Variants in PLXDC1 observed in about 807,000 individuals in gnomAD.
The protein encoded by PLXDC1 is plexin domain containing 1.
In PLXDC1, 39 loss-of-function variants were observed where a neutral mutation model predicts 61.3. The observed-to-expected ratio is 0.64, with a 90% CI of 0.49 to 0.83. The LOEUF (loss-of-function observed/expected upper bound fraction) is 0.83. PLXDC1 is among the 40% of genes least tolerant of loss of function. The probability of loss-of-function intolerance (pLI) is 0.00; values close to 1 mark genes in which losing one functional copy is unlikely to be tolerated. For missense variants in PLXDC1, 596 were observed against 666.5 expected, an observed-to-expected ratio of 0.89 and a Z score of 1.17; for synonymous variants, 212 against 254.5, an observed-to-expected ratio of 0.83 and a Z score of 1.59.
chr17:39,112,430 C>G (rs1371963040), intron 2 of PLXDC1, among the ~76,000 whole-genome samples: 1 of 150,022 alleles, frequency 6.7e-6, no homozygotes. Context: ...AGTTTAGATG[C>G]TATTCAGCCC....
At position 39,065,477 on chromosome 17, in the gene PLXDC1, C is replaced by T. The variant is rs1908861260; in HGVS notation, c.*2363G>A. 6.7e-6 allele frequency: 1 copy of T among 148,822 alleles called. No individual in the cohort carries two copies. The highest frequency in any genetic ancestry group is 2.5e-5 in the African/African-American group (1 of 40,134). 9.2% of individuals were successfully genotyped at this position (148,822 alleles called of 1,614,324 possible). On this transcript the variant is annotated 3_prime_UTR_variant, in exon 14 of 14. Coordinates refer to ENST00000315392, the MANE Select transcript of PLXDC1 (RefSeq NM_020405.5). Reference sequence around the variant, plus strand: ...ACAGTGGCATGATTATGACCCCCCACTGCAGCCTCAACCTCCCGGGCTCAA... The same window carrying T: ...ACAGTGGCATGATTATGACCCCCCATTGCAGCCTCAACCTCCCGGGCTCAA...
chr17:39,090,359 T>C (rs1909900029), intron 7 of PLXDC1, among the ~76,000 whole-genome samples: 1 of 152,162 alleles, frequency 6.6e-6, no homozygotes, highest in Non-Finnish European at 1.5e-5. Context: ...TCTGAAATGC[T>C]GGTGCCCCCC....
intron 1 of PLXDC1, among the ~76,000 whole-genome samples, chr17:39,141,767 C>T (rs1200462401): frequency 1.3e-5 from 2 of 152,154 alleles, no homozygotes; most frequent in Non-Finnish European, 2.9e-5. Flanking sequence ...ATTTTACATT[C>T]CCACCAACCG....
rs368282512 is a variant in PLXDC1 at position 39,117,346 on chromosome 17, T to C, written c.256-7955A>G. ...CCTAAACCAAACACCAGCTGGGGGG[T>C]AGGATTATCATGGAACCCAAGATCC... On this transcript the variant is annotated intron_variant, in intron 2 of 13. Coordinates refer to ENST00000315392, the MANE Select transcript of PLXDC1 (RefSeq NM_020405.5). Among the ~76,000 whole-genome samples, 4 of 151,904 alleles carry C rather than the reference T, an allele frequency of 2.6e-5. No individual in the cohort carries two copies. In the South Asian group the frequency reaches 8.3e-4, roughly 32 times the overall value.
Position 39,067,625 on chromosome 17 carries a change from T to G in PLXDC1, c.*215A>C, listed in dbSNP as rs1336583716. On this transcript the variant is annotated 3_prime_UTR_variant, in exon 14 of 14. Transcript: ENST00000315392. ...GCATCAAAACAGGATGAGATTAGGT[T>G]GTTGTTCCTATAAAAAATCCATGTG... is the stretch of plus-strand genomic sequence containing the variant. The G allele has an allele frequency of 3.9e-6, 2 of 510,488 alleles. No individual in the cohort carries two copies. Among genetic ancestry groups the G allele is most frequent in the African/African-American group, 1.9e-5 (1 of 52,464 alleles). The allele number at this position is 510,488 out of a possible 1,614,324, so 31.6% of individuals were successfully genotyped here.
chr17:39,074,161 C>G (rs6503745), intron 11 of PLXDC1, among the ~76,000 whole-genome samples: 89,657 of 151,938 alleles, frequency 0.59, 26,616 homozygotes, highest in South Asian at 0.66. Context: ...GACTCAAACT[C>G]TCCTGCCAAG....
intron 2 of PLXDC1, among the ~76,000 whole-genome samples, chr17:39,120,181 C>T (rs1464691675): frequency 1.3e-5 from 2 of 152,088 alleles, no homozygotes; most frequent in Non-Finnish European, 1.5e-5. Context: ...GATGGAGTTT[C>T]GCTCATGTAA....
At chr17:39,098,903 C>T (rs955036666) in intron 7 of PLXDC1, among the ~76,000 whole-genome samples, 2 of 152,126 alleles carry the variant, frequency 1.3e-5, no homozygotes, top group Non-Finnish European at 2.9e-5. Context: ...AATGCGCCTG[C>T]GTGGTTGACT....
chr17:39,128,262 G>A (rs1013875723), intron 2 of PLXDC1, among the ~76,000 whole-genome samples: 17 of 150,420 alleles, frequency 1.1e-4, no homozygotes, highest in Non-Finnish European at 2.1e-4. Flanking sequence ...TTGTTGCCCA[G>A]GCTGGAATGC....
Position 39,083,461 on chromosome 17 carries a change from C to T in PLXDC1, c.987G>A (p.Gln329=), listed in dbSNP as rs1909635093. The T allele has an allele frequency of 1.9e-6, 3 of 1,613,526 alleles. No homozygotes were observed. The highest frequency in any genetic ancestry group is 2.5e-6 in the Non-Finnish European group (3 of 1,179,624). Reference sequence around the variant, plus strand: ...AGCAGGTAACCCTGGGCACAAACCTCTGGAGGACATGGCACCAGCTGCAGT... The same window carrying T: ...AGCAGGTAACCCTGGGCACAAACCTTTGGAGGACATGGCACCAGCTGCAGT... ...TFNCSWCHVL[Q]RCSSGFDRYR... The change falls in exon 9 of 14, where the codon CAG becomes CAA. Residue 329 remains glutamine, a splice_region_variant and synonymous_variant. Coordinates refer to ENST00000315392, the MANE Select transcript of PLXDC1 (RefSeq NM_020405.5).
chr17:39,135,898 G>A (rs1911739474), intron 2 of PLXDC1, among the ~76,000 whole-genome samples: 1 of 152,102 alleles, frequency 6.6e-6, no homozygotes, highest in African/African-American at 2.4e-5. Context: ...ATCCATACTG[G>A]CTCTTAATGA....
At chr17:39,139,529 C>T (rs892066957) in intron 2 of PLXDC1, 125 bp downstream of exon 2, 48 of 883,710 alleles carry the variant, frequency 5.4e-5, no homozygotes, top group Non-Finnish European at 8.1e-5. Flanking sequence ...CTTCTCTCCA[C>T]CCTGTCCTCC....
chr17:39,134,642 A>AG (rs1911680962), intron 2 of PLXDC1, among the ~76,000 whole-genome samples: 2 of 150,564 alleles, frequency 1.3e-5, no homozygotes, highest in African/African-American at 5.0e-5. Context: ...AAAAAAAAGA[A>AG]AAAGAAAAAA....
chr17:39,096,803 G>C, intron 7 of PLXDC1: 1 of 408,802 alleles, frequency 2.4e-6, no homozygotes, highest in Non-Finnish European at 5.1e-6. Context: ...ATGAAATAAA[G>C]AGTTTCTTAA....
intron 2 of PLXDC1, among the ~76,000 whole-genome samples, chr17:39,135,385 G>T (rs1020886823): frequency 1.3e-5 from 2 of 152,138 alleles, no homozygotes; most frequent in African/African-American, 4.8e-5. Flanking sequence ...CTTATAGATC[G>T]GAAGTTCCTG....
intron 7 of PLXDC1, 102 bp downstream of exon 7, chr17:39,105,752 C>G: frequency 7.2e-6 from 5 of 693,848 alleles, no homozygotes; most frequent in Non-Finnish European, 7.6e-6. Flanking sequence ...ACTCTCTGCC[C>G]CTTGTCTACT....
chr17:39,148,744 T>C (rs1197551461), intron 1 of PLXDC1, among the ~76,000 whole-genome samples: 1 of 151,838 alleles, frequency 6.6e-6, no homozygotes, highest in Non-Finnish European at 1.5e-5. Flanking sequence ...CTAAATCATT[T>C]ATAGACATGG....
chr17:39,106,652 C>CTTT (rs367791150), intron 6 of PLXDC1, among the ~76,000 whole-genome samples: 2 of 139,872 alleles, frequency 1.4e-5, no homozygotes, highest in African/African-American at 2.7e-5. Flanking sequence ...CTTTTTCTTT[C>CTTT]TTTTTTTTTT....
rs907690131 is a variant in PLXDC1, at chr17:39,069,960, TGGTGCCCA to T, written c.1271_1278del (p.Leu424HisfsTer37). The T allele has an allele frequency of 2.2e-5, 36 of 1,613,642 alleles. No homozygotes were observed. Among genetic ancestry groups the T allele is most frequent in the Non-Finnish European group, 3.1e-5 (36 of 1,179,716 alleles). ...AGGACTGCCAGCACGATGCCCACGATGGTGCCCAGGTGCACAGGAGTGCCCTTTGTCTT... is the reference window on the plus strand; with the variant it reads ...AGGACTGCCAGCACGATGCCCACGATGGTGCACAGGAGTGCCCTTTGTCTT... On this transcript the variant is annotated frameshift_variant, in exon 13 of 14. Transcript: ENST00000315392. LOFTEE classifies it high-confidence loss of function.
Sources: gnomAD v4.1 joint callset for allele counts (sites outside exome capture counted in the v4.1 genomes callset) on GRCh38, gnomAD v4.1.1 for gene constraint, MANE v1.5 for transcripts, NCBI Gene and HGNC (gene_info 2026-07-23, HGNC 2026-07-21) for gene names.